The following CROT variants were observed in gnomAD, a reference collection of about 807,000 sequenced individuals.
CROT encodes carnitine O-octanoyltransferase.
A neutral mutation model predicts 89.2 loss-of-function variants in CROT; 84 were observed. The observed-to-expected ratio is 0.94, with a 90% CI of 0.79 to 1.13. CROT has a LOEUF of 1.13. CROT is among the 50% of genes most tolerant of loss of function. CROT has a pLI of 0.00. For missense variants in CROT, 711 were observed against 727.8 expected, an observed-to-expected ratio of 0.98 and a Z score of 0.27; for synonymous variants, 212 against 239.5, an observed-to-expected ratio of 0.89 and a Z score of 1.06.
chr7:87,366,278 T>C (rs1005593458), intron 6 of CROT, among the ~76,000 whole-genome samples: 11 of 152,114 alleles, frequency 7.2e-5, no homozygotes, highest in African/African-American at 2.4e-4. Flanking sequence ...ACAGGGCCTG[T>C]GGGAGGTGTT....
chr7:87,390,278 C>T (rs1807317428), intron 13 of CROT, among the ~76,000 whole-genome samples: 1 of 152,132 alleles, frequency 6.6e-6, no homozygotes, highest in Non-Finnish European at 1.5e-5. Flanking sequence ...TACTTGTCAG[C>T]CAGCATCTAT....
At chr7:87,372,490 T>C (rs762824658) in intron 7 of CROT, among the ~76,000 whole-genome samples, 4 of 152,228 alleles carry the variant, frequency 2.6e-5, no homozygotes, top group Non-Finnish European at 4.4e-5. Context: ...ATTAAACACA[T>C]GTGCTTCATG....
intron 13 of CROT, among the ~76,000 whole-genome samples, chr7:87,388,327 A>C (rs1043924959): frequency 6.6e-6 from 1 of 152,170 alleles, no homozygotes; most frequent in African/African-American, 2.4e-5. Flanking sequence ...AAACAATCCT[A>C]AGCAAAAAGA....
At chr7:87,353,688 A>T (rs780113253) in intron 3 of CROT, among the ~76,000 whole-genome samples, 2 of 152,198 alleles carry the variant, frequency 1.3e-5, no homozygotes, top group Non-Finnish European at 2.9e-5. Flanking sequence ...GGCACTTCAC[A>T]TGGTGACAAC....
intron 4 of CROT, among the ~76,000 whole-genome samples, chr7:87,360,897 C>T (rs934878815): frequency 1.3e-5 from 2 of 152,164 alleles, no homozygotes; most frequent in African/African-American, 4.8e-5. Context: ...GATCCTATAG[C>T]TCCCCGCTGA....
intron 10 of CROT, among the ~76,000 whole-genome samples, chr7:87,378,282 G>T (rs1806873768): frequency 6.7e-6 from 1 of 150,198 alleles, no homozygotes; most frequent in African/African-American, 2.5e-5. Flanking sequence ...GGAGGTTGAG[G>T]GTGCAGTGAA....
At chr7:87,359,961 C>T (rs1365362182) in intron 4 of CROT, 32 of 979,416 alleles carry the variant, frequency 3.3e-5, no homozygotes, top group Non-Finnish European at 3.9e-5. Context: ...AATTATTGTA[C>T]CTATCATTTA....
rs369691197 is a variant in CROT at position 87,349,105 on chromosome 7, A to T, written c.37A>T (p.Thr13Ser). Residue 13 changes from threonine to serine, a missense_variant, in exon 3 of 18, where the codon ACA becomes TCA. Coordinates refer to ENST00000331536, the MANE Select transcript of CROT (RefSeq NM_021151.4). ...NQLAKSTEERTFQYQDSLPSL... is the reference protein window; with the variant it reads ...NQLAKSTEERSFQYQDSLPSL... ...ATTGGCTAAATCAACTGAAGAACGA[A>T]CATTTCAGTACCAGGATTCTCTTCC... 1.2e-6 allele frequency: 2 copies of T among 1,606,718 alleles called. No individual in the cohort carries two copies. The highest frequency in any genetic ancestry group is 2.7e-5 in the African/African-American group (2 of 74,686).
chr7:87,361,336 T>A, intron 4 of CROT, 54 bp from the exon 5 acceptor site: 1 of 1,470,032 alleles, frequency 6.8e-7, no homozygotes, highest in Non-Finnish European at 9.3e-7. Context: ...TCCCAGTAGT[T>A]ACACATTCAT....
At position 87,345,779 on chromosome 7, in the gene CROT, C is replaced by G; in HGVS notation, c.-113+12C>G. 3.6e-6 allele frequency: 1 copy of G among 279,896 alleles called. No homozygotes were observed. The highest frequency in any genetic ancestry group is 1.0e-3 in the Middle Eastern group (1 of 994). The allele number at this position is 279,896 out of a possible 1,614,324, so 17.3% of individuals were successfully genotyped here. A position where few individuals can be genotyped will look rare whatever the true frequency, so the allele number is the denominator to read the frequency against. On this transcript the variant is annotated intron_variant, in intron 1 of 17. Coordinates refer to ENST00000331536, the MANE Select transcript of CROT (RefSeq NM_021151.4). ...GTGAGGACGGACAGGTCCGTTGAAG[C>G]AGCATTCCCTCCCTCCCCTAATCCT...
intron 12 of CROT, 106 bp from the exon 13 acceptor site, chr7:87,382,307 A>G: frequency 6.9e-7 from 1 of 1,442,764 alleles, no homozygotes. Context: ...AACACCTTTA[A>G]TTCTTTATGT....
At chr7:87,366,242 A>AT (rs148048661) in intron 6 of CROT, among the ~76,000 whole-genome samples, 8,512 of 150,132 alleles carry the variant, frequency 0.057, 807 homozygotes, top group African/African-American at 0.19. Context: ...GCAAGGGGGA[A>AT]TTTTTTTTTT....
At chr7:87,383,323 A>AT (rs1174612225) in intron 13 of CROT, among the ~76,000 whole-genome samples, 3 of 151,756 alleles carry the variant, frequency 2.0e-5, no homozygotes, top group Non-Finnish European at 2.9e-5. Context: ...CACGAGATCA[A>AT]TTTTTTTTAA....
chr7:87,384,439 C>T (rs1286976048), intron 13 of CROT, among the ~76,000 whole-genome samples: 8 of 152,074 alleles, frequency 5.3e-5, no homozygotes, highest in African/African-American at 1.9e-4. Context: ...GGCTGAGGCA[C>T]GAGAATCCCT....
intron 17 of CROT, among the ~76,000 whole-genome samples, chr7:87,394,084 A>G (rs576932006): frequency 3.9e-5 from 6 of 152,340 alleles, no homozygotes; most frequent in African/African-American, 1.4e-4. Context: ...CAGACTTTAT[A>G]TGGTGCCATT....
chr7:87,353,328 T>C (rs942095047), intron 3 of CROT, among the ~76,000 whole-genome samples: 3 of 152,020 alleles, frequency 2.0e-5, no homozygotes, highest in African/African-American at 7.2e-5. Context: ...TTTGTAGTTT[T>C]AGTAGAGATG....
chr7:87,368,829 A>G (rs552868031), intron 6 of CROT, among the ~76,000 whole-genome samples: 3 of 152,338 alleles, frequency 2.0e-5, no homozygotes, highest in African/African-American at 7.2e-5. Flanking sequence ...GGTGTGCCAA[A>G]GAAATCAGAG....
chr7:87,379,466 G>A lies in CROT; in HGVS notation c.978+2016G>A, dbSNP rs112716305. 1.2e-4 allele frequency among the ~76,000 whole-genome samples: 18 copies of A among 152,088 alleles called. 2 individuals are homozygous for A. The highest frequency in any genetic ancestry group is 3.4e-3 in the Middle Eastern group (1 of 294). On this transcript the variant is annotated intron_variant, in intron 10 of 17. Coordinates refer to ENST00000331536, the MANE Select transcript of CROT (RefSeq NM_021151.4). ...TCAAGAATAACTCATCTTGCTTTCCGTCCCTCATCCCCAAGACCATCAAAA... is the reference window on the plus strand; with the variant it reads ...TCAAGAATAACTCATCTTGCTTTCCATCCCTCATCCCCAAGACCATCAAAA...
Position 87,375,832 on chromosome 7 carries a change from G to C in CROT, c.755G>C (p.Arg252Pro). 2 of 1,613,392 alleles carry C rather than the reference G, an allele frequency of 1.2e-6. No homozygotes were observed. ...CATCATCTCCTTGCCCTTTAGGCAC[G>C]AGAATATCTGATTGGTCTTGATCCA... ...SEERTRWAKA[R>P]EYLIGLDPEN... Residue 252 changes from arginine (R) to proline (P), a missense_variant, in exon 9 of 18, where the codon CGA becomes CCA. By Grantham distance (103) the Arg-to-Pro change is moderately radical (BLOSUM62 -2). Coordinates refer to ENST00000331536, the MANE Select transcript of CROT (RefSeq NM_021151.4).
Sources: gnomAD v4.1 joint callset for allele counts (sites outside exome capture counted in the v4.1 genomes callset) on GRCh38, gnomAD v4.1.1 for gene constraint, MANE v1.5 for transcripts, NCBI Gene and HGNC (gene_info 2026-07-23, HGNC 2026-07-21) for gene names.